MAD1L1: variants seen among roughly 807,000 people sequenced by gnomAD.
MAD1L1 encodes the protein mitotic arrest deficient 1 like 1, also known as mitotic spindle assembly checkpoint protein MAD1.
Under a neutral mutation model 96.9 loss-of-function variants are expected in MAD1L1, and 95 were observed. That is an observed-to-expected ratio of 0.98 (90% confidence interval 0.83 to 1.16). MAD1L1 has a LOEUF of 1.16. Among genes scored for constraint, MAD1L1 ranks in the 50% most tolerant of loss-of-function variants. The pLI, the probability that MAD1L1 is intolerant of heterozygous loss-of-function variation, is 0.00. For synonymous variants in MAD1L1, 473 were observed against 396.6 expected (o/e 1.19, Z -2.29); for missense variants, 1,007 against 954.4 (o/e 1.06, Z -0.73).
At chr7:2,144,688 G>T (rs1789206449) in intron 11 of MAD1L1, among the ~76,000 whole-genome samples, 1 of 152,122 alleles carries the variant, frequency 6.6e-6, no homozygotes, top group African/African-American at 2.4e-5. Context: ...GCCCGGAAAG[G>T]GAAGGGAGGC....
intron 12 of MAD1L1, among the ~76,000 whole-genome samples, chr7:2,026,632 TAA>T (rs1783006970): frequency 6.6e-6 from 1 of 152,132 alleles, no homozygotes; most frequent in Admixed American, 6.5e-5. Flanking sequence ...TAGAAATCAA[TAA>T]GAAGATACCT....
intron 12 of MAD1L1, among the ~76,000 whole-genome samples, chr7:2,026,391 GCA>G (rs1467900454): frequency 6.6e-6 from 1 of 152,188 alleles, no homozygotes; most frequent in Non-Finnish European, 1.5e-5. Flanking sequence ...CACAACTCTT[GCA>G]GGAGCTGAGA....
intron 14 of MAD1L1, among the ~76,000 whole-genome samples, chr7:1,987,435 G>A (rs1039554153): frequency 3.9e-5 from 6 of 152,240 alleles, no homozygotes; most frequent in African/African-American, 1.4e-4. Context: ...GTACTGGGGC[G>A]GGTCTAAGTA....
At chr7:1,966,817 C>A (rs1359693606) in intron 15 of MAD1L1, among the ~76,000 whole-genome samples, 1 of 152,244 alleles carries the variant, frequency 6.6e-6, no homozygotes, top group South Asian at 2.1e-4. Context: ...TGCTGGGAGG[C>A]GAGGGCCGCG....
At chr7:2,160,094 G>C (rs1790028390) in intron 10 of MAD1L1, among the ~76,000 whole-genome samples, 1 of 151,958 alleles carries the variant, frequency 6.6e-6, no homozygotes, top group Non-Finnish European at 1.5e-5. Flanking sequence ...AGCCAGGCCT[G>C]GTGGGGAGTG....
chr7:2,108,072 C>T (rs1375071127), intron 11 of MAD1L1, among the ~76,000 whole-genome samples: 1 of 151,820 alleles, frequency 6.6e-6, no homozygotes, highest in East Asian at 1.9e-4. Flanking sequence ...GACCAAAAAC[C>T]CCAAAATGGA....
rs192340805 is a variant in MAD1L1, at chr7:2,142,770, C to T, written c.1073+6382G>A. Among the ~76,000 whole-genome samples the T allele has an allele frequency of 1.3e-5, 2 of 152,244 alleles. No individual in the cohort carries two copies. The highest frequency in any genetic ancestry group is 4.1e-4 in the South Asian group (2 of 4,836). On this transcript the variant is annotated intron_variant, in intron 11 of 18. Transcript: ENST00000265854. The surrounding 1 kb of genome is among the most constrained non-coding windows in gnomAD (Gnocchi z 4.7). ...GTCAAACCCCAGGGGCCCCCTTATGCCGAGAGCAGGTGGTCAGGTTGAGCA... is the reference window on the plus strand; with the variant it reads ...GTCAAACCCCAGGGGCCCCCTTATGTCGAGAGCAGGTGGTCAGGTTGAGCA...
chr7:1,873,438 C>T (rs1347949997), intron 18 of MAD1L1, among the ~76,000 whole-genome samples: 3 of 134,846 alleles, frequency 2.2e-5, no homozygotes, highest in Non-Finnish European at 3.1e-5. Context: ...CTGGAGGATG[C>T]GAGGGGCGGT....
In MAD1L1 at chr7:1,986,320, TTGGAACCACACGCCAGTCC is replaced by T. The variant is rs1198748530; in HGVS notation, c.1417-5798_1417-5780del. Reference sequence around the variant, plus strand: ...GCTCAGCACCAACCTCTGCTGCAGCTTGGAACCACACGCCAGTCCAGCTTGGAACCACACGCCAGTCCAG... The same window carrying T: ...GCTCAGCACCAACCTCTGCTGCAGCTAGCTTGGAACCACACGCCAGTCCAG... On this transcript the variant is annotated intron_variant, in intron 14 of 18. Coordinates refer to ENST00000265854, the MANE Select transcript of MAD1L1 (RefSeq NM_001013836.2). Among the ~76,000 whole-genome samples, 3 of 29,730 alleles carry T rather than the reference TTGGAACCACACGCCAGTCC, an allele frequency of 1.0e-4. No individual in the cohort carries two copies. The East Asian group carries it at 1.8e-3, about 18-fold the overall frequency. The allele number at this position is 29,730 out of a possible 152,430, so 19.5% of individuals were successfully genotyped here. A position where few individuals can be genotyped will look rare whatever the true frequency, so the allele number is the denominator to read the frequency against.
chr7:1,868,833 A>G (rs1784904867), intron 18 of MAD1L1, among the ~76,000 whole-genome samples: 1 of 152,172 alleles, frequency 6.6e-6, no homozygotes, highest in Admixed American at 6.5e-5. Context: ...TGACCTCCCC[A>G]CACAGGGGCC....
intron 18 of MAD1L1, among the ~76,000 whole-genome samples, chr7:1,824,231 TG>T (rs1782274076): frequency 6.6e-6 from 1 of 152,156 alleles, no homozygotes; most frequent in Non-Finnish European, 1.5e-5. Flanking sequence ...TTACACCACC[TG>T]CTTGTGCGGG....
chr7:1,896,648 A>C (rs1231965237), intron 18 of MAD1L1, among the ~76,000 whole-genome samples: 1 of 152,192 alleles, frequency 6.6e-6, no homozygotes, highest in Non-Finnish European at 1.5e-5. Context: ...CTTTCGCGGG[A>C]AGATGACGAG....
At chr7:2,014,952 G>A (rs945279674) in intron 12 of MAD1L1, among the ~76,000 whole-genome samples, 8 of 152,338 alleles carry the variant, frequency 5.3e-5, no homozygotes, top group Admixed American at 3.3e-4. Context: ...GGTCGGCTGG[G>A]AGCAGACGCC....
intron 15 of MAD1L1, among the ~76,000 whole-genome samples, chr7:1,961,689 C>T (rs750198037): frequency 6.6e-6 from 1 of 152,250 alleles, no homozygotes; most frequent in Non-Finnish European, 1.5e-5. Flanking sequence ...TTGGCTGTGT[C>T]CCCACCCAAA....
chr7:2,181,306 GTTT>G (rs570537866), intron 10 of MAD1L1, among the ~76,000 whole-genome samples: 1 of 152,218 alleles, frequency 6.6e-6, no homozygotes, highest in Non-Finnish European at 1.5e-5. Flanking sequence ...AGCTGTAGTT[GTTT>G]TTTACTTGTT....
rs527564164 is a variant in MAD1L1 at position 2,200,102 on chromosome 7, G to A, written c.986+13110C>T. Among the ~76,000 whole-genome samples, 150 of 152,316 alleles carry A rather than the reference G, an allele frequency of 9.8e-4. 1 individual carries two copies. Among genetic ancestry groups the A allele is most frequent in the African/African-American group, 3.4e-3 (143 of 41,588 alleles). Reference sequence around the variant, plus strand: ...CTCCATCCTCCACCCCTCCCGGGGCGCACCCACGACAGGTGGAGGGTGAAG... The same window carrying A: ...CTCCATCCTCCACCCCTCCCGGGGCACACCCACGACAGGTGGAGGGTGAAG... On this transcript the variant is annotated intron_variant, in intron 10 of 18. Coordinates refer to ENST00000265854, the MANE Select transcript of MAD1L1 (RefSeq NM_001013836.2).
intron 13 of MAD1L1, among the ~76,000 whole-genome samples, chr7:2,008,049 C>T (rs1782115436): frequency 6.6e-6 from 1 of 152,216 alleles, no homozygotes; most frequent in African/African-American, 2.4e-5. Context: ...TCTCTACGAG[C>T]CAGGGGTGGC....
chr7:2,150,067 C>T (rs1455654650), intron 10 of MAD1L1, among the ~76,000 whole-genome samples: 1 of 152,198 alleles, frequency 6.6e-6, no homozygotes, highest in Non-Finnish European at 1.5e-5. Flanking sequence ...AGAAAGCAGG[C>T]GCTGGCAATG....
intron 18 of MAD1L1, among the ~76,000 whole-genome samples, chr7:1,890,090 G>A (rs1211546669): frequency 6.6e-6 from 1 of 152,250 alleles, no homozygotes; most frequent in Non-Finnish European, 1.5e-5. Context: ...TCCTGGGAGG[G>A]GCATGTATCC....
Sources: allele counts gnomAD v4.1 joint callset (sites outside exome capture counted in the v4.1 genomes callset), GRCh38; gene constraint gnomAD v4.1.1; non-coding constraint Gnocchi (gnomAD v3.1); transcripts MANE v1.5; gene names NCBI Gene and HGNC (gene_info 2026-07-23, HGNC 2026-07-21).